The following ABCD2 variants were observed in gnomAD, a reference collection of about 807,000 sequenced individuals.
ABCD2 encodes the protein ATP binding cassette subfamily D member 2, also known as ATP-binding cassette sub-family D member 2.
Under a neutral mutation model 70.9 loss-of-function variants are expected in ABCD2, and 36 were observed. The observed-to-expected ratio is 0.51, with a 90% CI of 0.39 to 0.67. The LOEUF (loss-of-function observed/expected upper bound fraction) is 0.67. ABCD2 is among the 30% of genes least tolerant of loss of function. The pLI is 0.00. For synonymous variants in ABCD2, 304 were observed against 306.9 expected (o/e 0.99, Z 0.10); for missense variants, 729 against 890.2 (o/e 0.82, Z 2.30).
chr12:39,557,830 C>T (rs1941192538), intron 9 of ABCD2, among the ~76,000 whole-genome samples: 1 of 152,212 alleles, frequency 6.6e-6, no homozygotes, highest in African/African-American at 2.4e-5. Flanking sequence ...GCCTAGATTT[C>T]AGAGGATGTA....
chr12:39,535,374 T>C, the ABCD2 span, among the ~76,000 whole-genome samples: 1 of 152,190 alleles, frequency 6.6e-6, no homozygotes, highest in Non-Finnish European at 1.5e-5. Flanking sequence ...AGTTAAAAAA[T>C]AAATTTTATG....
chr12:39,574,517 C>T (rs1941490594), intron 8 of ABCD2, among the ~76,000 whole-genome samples: 1 of 151,996 alleles, frequency 6.6e-6, no homozygotes, highest in Admixed American at 6.6e-5. Flanking sequence ...TTATCACTTG[C>T]CATTGTTTCC....
At chr12:39,576,372 G>A (rs1941517388) in intron 8 of ABCD2, among the ~76,000 whole-genome samples, 1 of 152,030 alleles carries the variant, frequency 6.6e-6, no homozygotes, top group African/African-American at 2.4e-5. Flanking sequence ...TGTTGGCCAG[G>A]ATGGTCTGGA....
chr12:39,533,632 T>G, the ABCD2 span, among the ~76,000 whole-genome samples: 1 of 152,240 alleles, frequency 6.6e-6, no homozygotes, highest in African/African-American at 2.4e-5. Context: ...AAAATTTTCT[T>G]CTTTAACCCC....
intron 9 of ABCD2, among the ~76,000 whole-genome samples, chr12:39,569,601 C>T (rs950751807): frequency 3.9e-5 from 6 of 152,164 alleles, no homozygotes; most frequent in South Asian, 2.1e-4. Flanking sequence ...CGCCCTGCTT[C>T]GCCTCACGCT....
At chr12:39,580,167 C>T (rs1341104328) in intron 7 of ABCD2, among the ~76,000 whole-genome samples, 1 of 152,028 alleles carries the variant, frequency 6.6e-6, no homozygotes, top group African/African-American at 2.4e-5. Context: ...TTTCAACCTC[C>T]TAGGTTCGAG....
chr12:39,619,593 G>A lies in ABCD2; in HGVS notation c.23C>T (p.Ala8Val), dbSNP rs1287307957. The A allele has an allele frequency of 1.2e-6, 2 of 1,609,376 alleles. No individual in the cohort carries two copies. The highest frequency in any genetic ancestry group is 1.7e-5 in the Admixed American group (1 of 59,898). The change falls in exon 1 of 10, where the codon GCA (alanine) becomes GTA (valine). Residue 8 changes from alanine to valine, a missense_variant. This residue lies in a region of ABCD2 where 245 missense variants were observed against 261.2 expected (regional missense o/e 0.94). Transcript: ENST00000308666. ...TCTGGTCCATTTCACTCGATCAGCT[G>A]CTGCATTTAGCATATGTGTCATTTT... is the stretch of plus-strand genomic sequence containing the variant. MTHMLNA[A>V]ADRVKWTRSS...
chr12:39,534,760 G>GGAAGGAA, the ABCD2 span, among the ~76,000 whole-genome samples: 53 of 113,196 alleles, frequency 4.7e-4, no homozygotes, highest in African/African-American at 1.9e-3. Context: ...AAGAAAGAAA[G>GGAAGGAA]AGAAAGAAAG....
chr12:39,584,232 T>G (rs534647164), intron 7 of ABCD2, among the ~76,000 whole-genome samples: 1 of 152,328 alleles, frequency 6.6e-6, no homozygotes, highest in East Asian at 1.9e-4. Context: ...AGATGGTACC[T>G]CATTGTGGTT....
At chr12:39,565,915 A>G (rs1212422782) in intron 9 of ABCD2, among the ~76,000 whole-genome samples, 3 of 152,214 alleles carry the variant, frequency 2.0e-5, no homozygotes, top group Non-Finnish European at 4.4e-5. Flanking sequence ...GGTTCTGTTT[A>G]CATGCTGGAT....
At chr12:39,599,183 T>C (rs1017692691) in intron 6 of ABCD2, among the ~76,000 whole-genome samples, 1 of 152,218 alleles carries the variant, frequency 6.6e-6, no homozygotes, top group Non-Finnish European at 1.5e-5. Flanking sequence ...GGCTAGAATT[T>C]CTTCACTTTC....
intron 6 of ABCD2, among the ~76,000 whole-genome samples, chr12:39,588,546 TC>T (rs1463130193): frequency 2.0e-5 from 3 of 152,136 alleles, no homozygotes; most frequent in African/African-American, 7.2e-5. Flanking sequence ...GAAATAATTC[TC>T]CCCAAGAGCC....
At chr12:39,602,678 A>C (rs147431675) in intron 5 of ABCD2, among the ~76,000 whole-genome samples, 1 of 151,894 alleles carries the variant, frequency 6.6e-6, no homozygotes, top group Non-Finnish European at 1.5e-5. Context: ...AGATACTTTC[A>C]CTAGACTGAG....
Position 39,567,482 on chromosome 12 carries a change from G to C in ABCD2, c.2003+6234C>G, listed in dbSNP as rs186863570. 8.0e-3 allele frequency among the ~76,000 whole-genome samples: 1,225 copies of C among 152,176 alleles called. 6 individuals carry two copies. The highest frequency in any genetic ancestry group is 0.013 in the Non-Finnish European group (901 of 68,008). On this transcript the variant is annotated intron_variant, in intron 9 of 9. Transcript: ENST00000308666. ...TGCATTTTTTGTTTTCCATTTGCTT[G>C]GTAGATCTTCCTCTATCCCTTTATT...
chr12:39,579,924 T>C (rs1941573667), intron 7 of ABCD2, among the ~76,000 whole-genome samples: 1 of 152,232 alleles, frequency 6.6e-6, no homozygotes, highest in African/African-American at 2.4e-5. Flanking sequence ...CTTATACTTA[T>C]CTTGGAGGGA....
At chr12:39,540,339 C>A in the ABCD2 span, among the ~76,000 whole-genome samples, 3 of 152,290 alleles carry the variant, frequency 2.0e-5, no homozygotes, top group South Asian at 6.2e-4. Flanking sequence ...ACCATAAATT[C>A]TCATCAGATG....
At chr12:39,542,106 T>C in the ABCD2 span, among the ~76,000 whole-genome samples, 1 of 152,152 alleles carries the variant, frequency 6.6e-6, no homozygotes, top group East Asian at 1.9e-4. Context: ...TTGAGCTGGA[T>C]GTTTATGTTT....
chr12:39,541,820 GAACA>G, the ABCD2 span, among the ~76,000 whole-genome samples: 3,175 of 152,248 alleles, frequency 0.021, 46 homozygotes, highest in Middle Eastern at 0.037. Context: ...GTATGAGAAT[GAACA>G]AACAACTACA....
intron 9 of ABCD2, among the ~76,000 whole-genome samples, chr12:39,563,419 TG>T (rs1161960130): frequency 2.0e-5 from 3 of 151,998 alleles, no homozygotes; most frequent in African/African-American, 7.3e-5. Flanking sequence ...AAAAATAACA[TG>T]TTTTCTGTAA....
Sources: allele counts gnomAD v4.1 joint callset (sites outside exome capture counted in the v4.1 genomes callset), GRCh38; gene constraint gnomAD v4.1.1; regional missense constraint gnomAD v4.1.1; transcripts MANE v1.5; gene names NCBI Gene and HGNC (gene_info 2026-07-23, HGNC 2026-07-21).